Variants in ZFHX3 observed in about 807,000 individuals in gnomAD.
ZFHX3 encodes the protein zinc finger homeobox protein 3.
Under a neutral mutation model 279.1 loss-of-function variants are expected in ZFHX3, and 42 were observed. The observed-to-expected ratio is 0.15, with a 90% CI of 0.12 to 0.19. The LOEUF is 0.19. Ranked by LOEUF, ZFHX3 falls within the 10% of genes least tolerant of loss-of-function variation. The probability of loss-of-function intolerance (pLI) is 1.00; values close to 1 mark genes in which losing one functional copy is unlikely to be tolerated. For missense variants in ZFHX3, 4,981 were observed against 4,754.0 expected (o/e 1.05, Z -1.40); for synonymous variants, 2,293 against 1,957.8 (o/e 1.17, Z -4.52).
intron 4 of ZFHX3, among the ~76,000 whole-genome samples, chr16:73,306,551 G>C (rs906941358): frequency 1.3e-5 from 2 of 152,198 alleles, no homozygotes; most frequent in Non-Finnish European, 2.9e-5. Flanking sequence ...TCAAACTTCT[G>C]ACCTCAAATG....
At chr16:73,013,134 G>T (rs1259409954) in intron 1 of ZFHX3, among the ~76,000 whole-genome samples, 1 of 152,180 alleles carries the variant, frequency 6.6e-6, no homozygotes, top group Non-Finnish European at 1.5e-5. Context: ...AGGGCAGAGA[G>T]GAGGCCACCA....
chr16:73,572,169 A>T (rs1051551750), intron 2 of ZFHX3, among the ~76,000 whole-genome samples: 53 of 3,568 alleles, frequency 0.015, no homozygotes, highest in African/African-American at 0.048. Context: ...AAATATTCTT[A>T]AAAAAAAAAA....
chr16:72,918,695 C>CT (rs568638106), intron 3 of ZFHX3, among the ~76,000 whole-genome samples: 6,000 of 130,678 alleles, frequency 0.046, 183 homozygotes, highest in South Asian at 0.072. Context: ...AAAGGTAGTT[C>CT]TTTTTTTTTT....
intron 1 of ZFHX3, among the ~76,000 whole-genome samples, chr16:73,807,941 A>G (rs1272852533): frequency 1.3e-5 from 2 of 152,034 alleles, no homozygotes; most frequent in Non-Finnish European, 2.9e-5. Context: ...TGGTACCATT[A>G]TTACCACTCT....
intron 5 of ZFHX3, among the ~76,000 whole-genome samples, chr16:72,820,408 C>G (rs2266943): frequency 0.63 from 95,543 of 152,098 alleles, 31,702 homozygotes; most frequent in Non-Finnish European, 0.75. Flanking sequence ...CTTGCTCCCT[C>G]TGTGTCAGGT....
chr16:73,383,300 G>C (rs1003511837), intron 3 of ZFHX3, among the ~76,000 whole-genome samples: 1 of 152,222 alleles, frequency 6.6e-6, no homozygotes, highest in Non-Finnish European at 1.5e-5. Flanking sequence ...TGGAGTGACA[G>C]GCAGCACAAA....
chr16:72,953,569 A>C (rs902303456), intron 2 of ZFHX3, among the ~76,000 whole-genome samples: 2 of 152,186 alleles, frequency 1.3e-5, no homozygotes, highest in Non-Finnish European at 1.5e-5. Flanking sequence ...TGGAATAAGC[A>C]GAGGAACGAA....
chr16:73,824,464 A>G (rs1960841012), intron 1 of ZFHX3, among the ~76,000 whole-genome samples: 1 of 126,542 alleles, frequency 7.9e-6, no homozygotes, highest in Admixed American at 8.4e-5. Context: ...GGTTAGTTAC[A>G]TATGTATACA....
intron 1 of ZFHX3, among the ~76,000 whole-genome samples, chr16:73,844,248 G>A (rs1885118360): frequency 6.6e-6 from 1 of 152,212 alleles, no homozygotes; most frequent in Non-Finnish European, 1.5e-5. Context: ...GCAGTGAAAT[G>A]TATGGGTCCA....
At chr16:73,641,290 A>C (rs940235619) in intron 2 of ZFHX3, among the ~76,000 whole-genome samples, 1 of 152,154 alleles carries the variant, frequency 6.6e-6, no homozygotes, top group African/African-American at 2.4e-5. Context: ...AAACAAAACC[A>C]GGAGAGAGGA....
intron 7 of ZFHX3, among the ~76,000 whole-genome samples, chr16:73,108,811 G>A (rs904787654): frequency 2.0e-5 from 3 of 152,336 alleles, no homozygotes; most frequent in South Asian, 2.1e-4. Context: ...GCATCAAACC[G>A]AAAACAATAA....
At chr16:73,320,399 C>T (rs181852036) in intron 3 of ZFHX3, among the ~76,000 whole-genome samples, 9 of 152,272 alleles carry the variant, frequency 5.9e-5, no homozygotes, top group Admixed American at 2.0e-4. Flanking sequence ...CTAATAACCG[C>T]GAGGGTGGCA....
At chr16:73,018,154 T>G (rs1040552555) in intron 1 of ZFHX3, among the ~76,000 whole-genome samples, 2 of 151,716 alleles carry the variant, frequency 1.3e-5, no homozygotes, top group African/African-American at 4.8e-5. Flanking sequence ...CCCGGCTAAT[T>G]TTGCTTGATT....
chr16:73,548,605 A>G (rs906742792), intron 2 of ZFHX3, among the ~76,000 whole-genome samples: 5 of 151,150 alleles, frequency 3.3e-5, no homozygotes, highest in Non-Finnish European at 5.9e-5. Flanking sequence ...ACCCACATAA[A>G]TATGTACATT....
intron 2 of ZFHX3, among the ~76,000 whole-genome samples, chr16:73,550,583 T>G (rs1354765500): frequency 6.6e-6 from 1 of 152,250 alleles, no homozygotes; most frequent in Middle Eastern, 3.2e-3. Flanking sequence ...CGCAAAGTTT[T>G]TCAACAATGA....
chr16:73,438,701 C>T (rs558923031), intron 3 of ZFHX3, among the ~76,000 whole-genome samples: 31 of 152,134 alleles, frequency 2.0e-4, no homozygotes, highest in Non-Finnish European at 4.1e-4. Flanking sequence ...ATTATTATTA[C>T]TAAATTTGTG....
chr16:73,224,531 A>C (rs939265144), intron 5 of ZFHX3, among the ~76,000 whole-genome samples: 1 of 152,244 alleles, frequency 6.6e-6, no homozygotes, highest in Non-Finnish European at 1.5e-5. Flanking sequence ...ACAAGCTAAC[A>C]TGTCTCAAAG....
At chr16:73,353,593 T>C (rs2016286139) in intron 3 of ZFHX3, among the ~76,000 whole-genome samples, 1 of 152,216 alleles carries the variant, frequency 6.6e-6, no homozygotes. Context: ...ATGGCTGAGA[T>C]CACAGATTTG....
intron 1 of ZFHX3, among the ~76,000 whole-genome samples, chr16:73,856,829 G>C (rs1324143824): frequency 6.6e-6 from 1 of 152,170 alleles, no homozygotes; most frequent in Non-Finnish European, 1.5e-5. Flanking sequence ...AACCCTCAAA[G>C]AAAACTAGAA....
Sources: allele counts gnomAD v4.1 joint callset (sites outside exome capture counted in the v4.1 genomes callset), GRCh38; gene constraint gnomAD v4.1.1; transcripts MANE v1.5; gene names NCBI Gene and HGNC (gene_info 2026-07-23, HGNC 2026-07-21).